PKD1L1: variants seen among roughly 807,000 people sequenced by gnomAD.
The protein encoded by PKD1L1 is polycystin-1-like protein 1.
In PKD1L1, 236 loss-of-function variants were observed where a neutral mutation model predicts 323.4. The observed-to-expected ratio is 0.73, with a 90% CI of 0.66 to 0.81. The LOEUF is 0.81. PKD1L1 is among the 40% of genes least tolerant of loss of function. PKD1L1 has a pLI of 0.00. For synonymous variants in PKD1L1, 1,344 were observed against 1,335.0 expected (o/e 1.01, Z -0.15); for missense variants, 3,320 against 3,508.0 (o/e 0.95, Z 1.35).
rs192085105 is a variant in PKD1L1 at position 47,845,120 on chromosome 7, G to A, written c.5154-42C>T. The A allele has an allele frequency of 2.9e-4, 444 of 1,538,998 alleles. 2 individuals are homozygous for A. In the East Asian group the frequency reaches 5.9e-3, roughly 20 times the overall value. The stretch of plus-strand genomic sequence containing the variant: ...GATGAGGATACAGAATGTGTGGAGA[G>A]AGCAGCTGTTGACAGTGTAATGGCA... On this transcript the variant is annotated intron_variant, in intron 32 of 56. Coordinates refer to ENST00000289672, the MANE Select transcript of PKD1L1 (RefSeq NM_138295.5).
At chr7:47,823,116 C>A (rs903737807) in intron 45 of PKD1L1, among the ~76,000 whole-genome samples, 1 of 152,100 alleles carries the variant, frequency 6.6e-6, no homozygotes, top group African/African-American at 2.4e-5. Context: ...TAGGTGTGAT[C>A]GGAGAGGACA....
intron 54 of PKD1L1, among the ~76,000 whole-genome samples, chr7:47,799,725 G>C (rs1028541174): frequency 1.3e-5 from 2 of 152,142 alleles, no homozygotes; most frequent in Non-Finnish European, 2.9e-5. Context: ...CCGAGGGAAG[G>C]CATGTTCAGT....
intron 55 of PKD1L1, among the ~76,000 whole-genome samples, chr7:47,793,862 G>C (rs1331725839): frequency 6.6e-6 from 1 of 152,184 alleles, no homozygotes; most frequent in African/African-American, 2.4e-5. Flanking sequence ...CTCAGATGGA[G>C]ATAAGGAACT....
At chr7:47,837,948 C>A (rs1785492495) in intron 36 of PKD1L1, among the ~76,000 whole-genome samples, 1 of 152,200 alleles carries the variant, frequency 6.6e-6, no homozygotes, top group Non-Finnish European at 1.5e-5. Context: ...ACGCTCAATT[C>A]GCAGCACACA....
intron 52 of PKD1L1, among the ~76,000 whole-genome samples, chr7:47,805,409 TC>T (rs78793962): frequency 0.061 from 9,329 of 152,332 alleles, 421 homozygotes; most frequent in East Asian, 0.2. Context: ...AGAGCTAAAT[TC>T]CTCTAACTGT....
At chr7:47,860,613 T>C (rs1375405869) in intron 26 of PKD1L1, among the ~76,000 whole-genome samples, 3 of 152,212 alleles carry the variant, frequency 2.0e-5, no homozygotes, top group African/African-American at 7.2e-5. Context: ...TAGCTTACCA[T>C]GGATATTAGG....
intron 56 of PKD1L1, among the ~76,000 whole-genome samples, chr7:47,786,766 G>A (rs1298536142): frequency 6.6e-6 from 1 of 152,196 alleles, no homozygotes; most frequent in Non-Finnish European, 1.5e-5. Flanking sequence ...GAAGAGGCCC[G>A]AGCAAGGAGC....
Position 47,931,921 on chromosome 7 carries a change from G to A in PKD1L1, c.519+15C>T. ...GCTTTCTGATGAAATTCAATTGCAG[G>A]GGTTAGATACCAACCTGGAGAAGAG... On this transcript the variant is annotated intron_variant, in intron 5 of 56. Coordinates refer to ENST00000289672, the MANE Select transcript of PKD1L1 (RefSeq NM_138295.5). The A allele has an allele frequency of 6.3e-7, 1 of 1,597,042 alleles. No individual in the cohort carries two copies.
chr7:47,921,542 T>C (rs1359183734), intron 7 of PKD1L1, among the ~76,000 whole-genome samples: 1 of 152,132 alleles, frequency 6.6e-6, no homozygotes, highest in Non-Finnish European at 1.5e-5. Flanking sequence ...TATCGATCCA[T>C]TGGAAAATAA....
intron 1 of PKD1L1, among the ~76,000 whole-genome samples, chr7:47,945,868 T>C (rs1788083035): frequency 6.6e-6 from 1 of 152,156 alleles, no homozygotes; most frequent in South Asian, 2.1e-4. Flanking sequence ...CCAGCCCTGG[T>C]TCCTGGGACA....
intron 56 of PKD1L1, among the ~76,000 whole-genome samples, chr7:47,791,034 C>T (rs915794810): frequency 2.0e-5 from 3 of 152,178 alleles, no homozygotes; most frequent in Non-Finnish European, 2.9e-5. Context: ...TACACCCACC[C>T]ATGTTCTAGT....
At chr7:47,782,406 C>G (rs952903911) in intron 56 of PKD1L1, among the ~76,000 whole-genome samples, 7 of 152,218 alleles carry the variant, frequency 4.6e-5, no homozygotes, top group African/African-American at 1.7e-4. Context: ...GAAAATTATT[C>G]AACTCAGGAC....
intron 7 of PKD1L1, 58 bp from the exon 8 acceptor site, chr7:47,915,657 A>G (rs1787413413): frequency 9.0e-7 from 1 of 1,115,640 alleles, no homozygotes; most frequent in Non-Finnish European, 1.3e-6. Flanking sequence ...AACTAGGGGA[A>G]AATGTGGAAT....
At position 47,843,146 on chromosome 7, in the gene PKD1L1, C is replaced by A. The variant is rs1473166987; in HGVS notation, c.5261G>T (p.Ser1754Ile). The change falls in exon 34 of 57, where the codon AGT (serine) becomes ATT (isoleucine). Residue 1754 changes from serine (S) to isoleucine (I), a missense_variant. Ser to Ile is a moderately radical substitution (Grantham distance 142, BLOSUM62 -2). Coordinates refer to ENST00000289672, the MANE Select transcript of PKD1L1 (RefSeq NM_138295.5). ...LQSHPENLLP[S>I]IFIMGSVILY... ...AATCACAGAACCCATAATAAAAATACTGGGAAGCAAGTTTTCTGGGTGGCT... is the reference window on the plus strand; with the variant it reads ...AATCACAGAACCCATAATAAAAATAATGGGAAGCAAGTTTTCTGGGTGGCT... 1 of 1,611,996 alleles carries A rather than the reference C, an allele frequency of 6.2e-7. No individual in the cohort carries two copies. The highest frequency in any genetic ancestry group is 8.5e-7 in the Non-Finnish European group (1 of 1,179,448).
chr7:47,909,777 T>C (rs192314898), intron 8 of PKD1L1, among the ~76,000 whole-genome samples: 2 of 152,200 alleles, frequency 1.3e-5, no homozygotes, highest in Non-Finnish European at 2.9e-5. Flanking sequence ...CCAAATTATA[T>C]GGAATAATAT....
In PKD1L1 at chr7:47,857,715, C is replaced by A; in HGVS notation, c.4480G>T (p.Asp1494Tyr). 1 of 1,614,028 alleles carries A rather than the reference C, an allele frequency of 6.2e-7. No homozygotes were observed. Among genetic ancestry groups the A allele is most frequent in the South Asian group, 1.1e-5 (1 of 91,076 alleles). The change falls in exon 28 of 57, where the codon GAC becomes TAC. Residue 1494 changes from aspartate (D) to tyrosine (Y), a missense_variant. Coordinates refer to ENST00000289672, the MANE Select transcript of PKD1L1 (RefSeq NM_138295.5). ...LGSVQVHLPG[D>Y]LAGHSPAGAE... ...CCAGCAGGACTGTGCCCAGCAAGGT[C>A]ACCAGGTAAATGCACCTGGACAGAT...
chr7:47,866,310 T>C (rs1786167521), intron 25 of PKD1L1, 109 bp downstream of exon 25: 1 of 1,194,862 alleles, frequency 8.4e-7, no homozygotes, highest in South Asian at 1.5e-5. Flanking sequence ...GTCTCATTTC[T>C]TGCCTGTGTT....
intron 14 of PKD1L1, 39 bp from the exon 15 acceptor site, chr7:47,894,098 A>C (rs755385145): frequency 6.6e-6 from 10 of 1,510,230 alleles, no homozygotes; most frequent in Non-Finnish European, 8.9e-6. Context: ...TCATGCAGGG[A>C]CAAGGCAGGG....
intron 48 of PKD1L1, 196 bp from the exon 49 acceptor site, chr7:47,813,489 A>C: frequency 1.4e-6 from 1 of 729,950 alleles, no homozygotes; most frequent in South Asian, 1.5e-5. Context: ...TCAAGGTTCT[A>C]CCCACAGAAG....
Sources: gnomAD v4.1 joint callset for allele counts (sites outside exome capture counted in the v4.1 genomes callset) on GRCh38, gnomAD v4.1.1 for gene constraint, MANE v1.5 for transcripts, NCBI Gene and HGNC (gene_info 2026-07-23, HGNC 2026-07-21) for gene names.